Variants in RAPGEF6 observed in about 807,000 individuals in gnomAD.
RAPGEF6 encodes the protein PDZ domain containing guanine nucleotide exchange factor (GEF) 2.
Under a neutral mutation model 171.4 loss-of-function variants are expected in RAPGEF6, and 56 were observed. The observed-to-expected ratio is 0.33, with a 90% CI of 0.26 to 0.41. The LOEUF (loss-of-function observed/expected upper bound fraction) is 0.41, where lower values mean the gene tolerates loss of function less well. RAPGEF6 is among the 10% of genes least tolerant of loss of function. RAPGEF6 has a pLI of 1.00. For synonymous variants in RAPGEF6, 692 were observed against 650.1 expected, an observed-to-expected ratio of 1.06 and a Z score of -0.98; for missense variants, 1,674 against 1,921.4, an observed-to-expected ratio of 0.87 and a Z score of 2.41.
chr5:131,533,338 C>T lies in RAPGEF6; in HGVS notation c.496-11817G>A, dbSNP rs552563738. On this transcript the variant is annotated intron_variant, in intron 6 of 27. Transcript: ENST00000509018. Reference sequence around the variant, plus strand: ...TGATTTTTAATTCTGTACATTGATACACAGCTATATTTGGGAAGCCATATT... The same window carrying T: ...TGATTTTTAATTCTGTACATTGATATACAGCTATATTTGGGAAGCCATATT... Among the ~76,000 whole-genome samples, 17 of 152,144 alleles carry T rather than the reference C, an allele frequency of 1.1e-4. No homozygotes were observed. The South Asian group carries it at 3.5e-3, about 32-fold the overall frequency.
intron 21 of RAPGEF6, among the ~76,000 whole-genome samples, chr5:131,450,544 T>C (rs1309355201): frequency 1.3e-5 from 2 of 152,182 alleles, no homozygotes; most frequent in Admixed American, 6.5e-5. Context: ...GTAAGAAATG[T>C]TGACCAGCAA....
intron 19 of RAPGEF6, among the ~76,000 whole-genome samples, chr5:131,460,179 C>G (rs1753816235): frequency 6.6e-6 from 1 of 152,156 alleles, no homozygotes; most frequent in Admixed American, 6.5e-5. Context: ...AGCCTCTTAA[C>G]CAAATCTCAG....
At chr5:131,601,083 C>A (rs141122763) in intron 3 of RAPGEF6, among the ~76,000 whole-genome samples, 115 of 134,174 alleles carry the variant, frequency 8.6e-4, no homozygotes, top group South Asian at 1.2e-3. Flanking sequence ...AACTCCATTT[C>A]AAAAAAAAAA....
At chr5:131,591,500 T>C (rs1191838257) in intron 4 of RAPGEF6, among the ~76,000 whole-genome samples, 1 of 152,156 alleles carries the variant, frequency 6.6e-6, no homozygotes, top group Non-Finnish European at 1.5e-5. Context: ...ATTTTACAAA[T>C]GAGCAAAGTA....
rs375534138 is a variant in RAPGEF6, at chr5:131,499,581, C to CAAAAA, written c.1255-979_1255-975dup. On this transcript the variant is annotated intron_variant, in intron 11 of 27. Coordinates refer to ENST00000509018, the MANE Select transcript of RAPGEF6 (RefSeq NM_016340.6). ...GGGCGACAAGAGCGAGACTTTGTCTCAAAAAAAAAAAAAAAAAAAAAAGAA... is the reference window on the plus strand; with the variant it reads ...GGGCGACAAGAGCGAGACTTTGTCTCAAAAAAAAAAAAAAAAAAAAAAAAAAAGAA... Among the ~76,000 whole-genome samples, 222 of 87,520 alleles carry CAAAAA rather than the reference C, an allele frequency of 2.5e-3. 3 individuals are homozygous for CAAAAA. Among genetic ancestry groups the CAAAAA allele is most frequent in the African/African-American group, 0.01 (213 of 21,096 alleles). 57.4% of individuals were successfully genotyped at this position (87,520 alleles called of 152,430 possible).
intron 8 of RAPGEF6, among the ~76,000 whole-genome samples, chr5:131,509,133 C>A (rs1757549151): frequency 6.6e-6 from 1 of 152,142 alleles, no homozygotes; most frequent in Admixed American, 6.5e-5. Context: ...ATGTTTGACA[C>A]TAAGTGATCT....
At chr5:131,442,221 T>C (rs974441626) in intron 23 of RAPGEF6, 128 bp downstream of exon 23, 15 of 896,162 alleles carry the variant, frequency 1.7e-5, no homozygotes, top group Middle Eastern at 3.2e-4. Flanking sequence ...ACATTTTTGA[T>C]TCATAAAGTG....
intron 3 of RAPGEF6, among the ~76,000 whole-genome samples, chr5:131,600,519 GAACT>G (rs1426795597): frequency 1.7e-5 from 2 of 120,880 alleles, no homozygotes; most frequent in Non-Finnish European, 3.2e-5. Flanking sequence ...GAGACGAAAA[GAACT>G]AACGAGAAGG....
At chr5:131,571,443 C>T (rs1157129840) in intron 4 of RAPGEF6, among the ~76,000 whole-genome samples, 1 of 151,884 alleles carries the variant, frequency 6.6e-6, no homozygotes, top group Non-Finnish European at 1.5e-5. Context: ...CACTTACGTA[C>T]AAAAATACTA....
chr5:131,453,107 T>A lies in RAPGEF6; in HGVS notation c.3147A>T (p.Gln1049His). The A allele has an allele frequency of 6.2e-7, 1 of 1,614,048 alleles. No homozygotes were observed. Among genetic ancestry groups the A allele is most frequent in the African/African-American group, 1.3e-5 (1 of 75,064 alleles). ...KLRMISKEIR[Q>H]VVRMTSANMD... ...TGTTAGCAGAAGTCATTCGAACAAC[T>A]TGGCGGATTTCCTTGGAAATCATTC... is the stretch of plus-strand genomic sequence containing the variant. Residue 1049 changes from glutamine (Q) to histidine (H), a missense_variant, in exon 21 of 28, where the codon CAA becomes CAT. By Grantham distance (24) the Gln-to-His change is conservative (BLOSUM62 0). Coordinates refer to ENST00000509018, the MANE Select transcript of RAPGEF6 (RefSeq NM_016340.6).
At chr5:131,556,121 C>A (rs191210165) in intron 5 of RAPGEF6, among the ~76,000 whole-genome samples, 6 of 152,080 alleles carry the variant, frequency 3.9e-5, no homozygotes, top group Non-Finnish European at 5.9e-5. Context: ...ACCAGCAGTG[C>A]AGGACTGTAT....
At chr5:131,443,227 G>A (rs887167335) in intron 22 of RAPGEF6, among the ~76,000 whole-genome samples, 1 of 152,102 alleles carries the variant, frequency 6.6e-6, no homozygotes, top group Non-Finnish European at 1.5e-5. Flanking sequence ...ACAGGCGTGA[G>A]CCACTGCGCC....
intron 12 of RAPGEF6, among the ~76,000 whole-genome samples, chr5:131,496,164 C>A (rs1756625533): frequency 6.6e-6 from 1 of 152,108 alleles, no homozygotes; most frequent in South Asian, 2.1e-4. Context: ...CATAGCAAAA[C>A]CCTGTCTCTA....
intron 17 of RAPGEF6, among the ~76,000 whole-genome samples, chr5:131,471,094 C>T (rs1007581389): frequency 1.3e-5 from 2 of 152,194 alleles, no homozygotes; most frequent in African/African-American, 4.8e-5. Flanking sequence ...TAACTTTATA[C>T]TTTGGTAACA....
intron 18 of RAPGEF6, among the ~76,000 whole-genome samples, chr5:131,462,305 A>T (rs1753991342): frequency 6.6e-6 from 1 of 152,214 alleles, no homozygotes; most frequent in Non-Finnish European, 1.5e-5. Context: ...AAGAGTAAAA[A>T]TAATGTTGTT....
At chr5:131,509,124 T>C (rs565297186) in intron 8 of RAPGEF6, among the ~76,000 whole-genome samples, 3 of 152,324 alleles carry the variant, frequency 2.0e-5, no homozygotes, top group Admixed American at 1.3e-4. Flanking sequence ...TAACAATATA[T>C]GTTTGACACT....
Position 131,426,939 on chromosome 5 carries a change from G to C in RAPGEF6, c.*327C>G, listed in dbSNP as rs1186383064. On this transcript the variant is annotated 3_prime_UTR_variant, in exon 28 of 28. Coordinates refer to ENST00000509018, the MANE Select transcript of RAPGEF6 (RefSeq NM_016340.6). ...AATGCCATTATCTTTAAAATAGCTT[G>C]TTAAAGAAAAATCTATAGCAATATA... 1 of 279,264 alleles carries C rather than the reference G, an allele frequency of 3.6e-6. No individual in the cohort carries two copies. The highest frequency in any genetic ancestry group is 5.3e-5 in the Admixed American group (1 of 18,912). 17.3% of individuals were successfully genotyped at this position (279,264 alleles called of 1,614,324 possible). A position where few individuals can be genotyped will look rare whatever the true frequency, so the allele number is the denominator to read the frequency against.
intron 1 of RAPGEF6, among the ~76,000 whole-genome samples, chr5:131,633,517 G>T (rs1040096984): frequency 2.6e-5 from 4 of 152,032 alleles, no homozygotes; most frequent in African/African-American, 9.7e-5. Flanking sequence ...ATCACTTGAG[G>T]TCATGAGTTT....
At chr5:131,461,674 C>G (rs983346830) in intron 19 of RAPGEF6, 31 bp downstream of exon 19, 2 of 1,549,924 alleles carry the variant, frequency 1.3e-6, no homozygotes, top group African/African-American at 2.7e-5. Flanking sequence ...CAAAACCATA[C>G]AGACATTTGT....
Sources: gnomAD v4.1 joint callset for allele counts (sites outside exome capture counted in the v4.1 genomes callset) on GRCh38, gnomAD v4.1.1 for gene constraint, MANE v1.5 for transcripts, NCBI Gene and HGNC (gene_info 2026-07-23, HGNC 2026-07-21) for gene names.